RBFOX3: variants seen among roughly 807,000 people sequenced by gnomAD.
The protein encoded by RBFOX3 is RNA binding fox-1 homolog 3.
In RBFOX3, 17 loss-of-function variants were observed where a neutral mutation model predicts 48.7. The ratio of observed to expected loss-of-function variants is 0.35; its 90% confidence interval spans 0.24 to 0.52. The LOEUF is 0.52. Among genes scored for constraint, RBFOX3 ranks in the 20% least tolerant of loss-of-function variants. RBFOX3 has a pLI of 0.94. For missense variants in RBFOX3, 382 were observed against 497.5 expected (o/e 0.77, Z 2.21); for synonymous variants, 212 against 209.5 (o/e 1.01, Z -0.10).
At chr17:79,090,908 G>A in intron 14 of RBFOX3, 23 bp from the exon 15 acceptor site, 1 of 1,526,702 alleles carries the variant, frequency 6.6e-7, no homozygotes, top group South Asian at 1.2e-5. Context: ...CAGAAAGGCA[G>A]GACTTGCAGC....
At chr17:79,207,566 G>A (rs1021003490) in intron 4 of RBFOX3, among the ~76,000 whole-genome samples, 1 of 152,250 alleles carries the variant, frequency 6.6e-6, no homozygotes, top group African/African-American at 2.4e-5. Context: ...CTGGGCCTAT[G>A]GGCTGTGGGG....
intron 9 of RBFOX3, 50 bp downstream of exon 9, chr17:79,101,534 T>C: frequency 6.7e-7 from 1 of 1,494,954 alleles, no homozygotes; most frequent in Non-Finnish European, 9.1e-7. Context: ...CCAGGGCCTC[T>C]GTCCCAGCCA....
chr17:79,628,321 C>T, the RBFOX3 span, among the ~76,000 whole-genome samples: 1 of 152,172 alleles, frequency 6.6e-6, no homozygotes, highest in African/African-American at 2.4e-5. Context: ...GCTCAGACCT[C>T]TGCAAACCTG....
chr17:79,272,930 T>C (rs566309632), intron 3 of RBFOX3, among the ~76,000 whole-genome samples: 2 of 151,414 alleles, frequency 1.3e-5, no homozygotes, highest in Admixed American at 6.6e-5. Flanking sequence ...GCCACCCCAG[T>C]ACCAGGAGCC....
intron 2 of RBFOX3, among the ~76,000 whole-genome samples, chr17:79,463,688 G>GCCACCA (rs879949202): frequency 1.6e-5 from 2 of 123,164 alleles, no homozygotes; most frequent in Admixed American, 8.0e-5. Flanking sequence ...CATTGCCACT[G>GCCACCA]CCACTGCCAT....
intron 1 of RBFOX3, among the ~76,000 whole-genome samples, chr17:79,577,733 C>A (rs2092911840): frequency 1.3e-5 from 2 of 152,210 alleles, no homozygotes; most frequent in Non-Finnish European, 2.9e-5. Context: ...AGGTTGTCAA[C>A]CCACCTCCTC....
Position 79,145,446 on chromosome 17 carries a change from G to A in RBFOX3, c.-33-29698C>T, listed in dbSNP as rs137896869. Among the ~76,000 whole-genome samples the A allele has an allele frequency of 1.8e-3, 275 of 152,360 alleles. 2 individuals carry two copies. Among genetic ancestry groups the A allele is most frequent in the African/African-American group, 6.5e-3 (271 of 41,580 alleles). ...GGCCACTGGCCTGGGGCGAAGTCTG[G>A]CCACAGGGACTTTAAAGGCTCCTGT... is the stretch of plus-strand genomic sequence containing the variant. On this transcript the variant is annotated intron_variant, in intron 4 of 14. Transcript: ENST00000693108.
intron 1 of RBFOX3, among the ~76,000 whole-genome samples, chr17:79,551,828 GA>G (rs2091188378): frequency 6.6e-6 from 1 of 152,150 alleles, no homozygotes; most frequent in African/African-American, 2.4e-5. Flanking sequence ...GCCCTCACTA[GA>G]AACAGATGCC....
chr17:79,649,795 G>A, the RBFOX3 span, among the ~76,000 whole-genome samples: 1 of 152,164 alleles, frequency 6.6e-6, no homozygotes, highest in Non-Finnish European at 1.5e-5. Flanking sequence ...CATGATGCTG[G>A]CATCTGCTTG....
At chr17:79,097,603 G>GC in intron 10 of RBFOX3, 89 bp downstream of exon 10, 1 of 545,952 alleles carries the variant, frequency 1.8e-6, no homozygotes, top group Non-Finnish European at 2.6e-6. Context: ...ACCTGGCCCC[G>GC]CCCCTCATGC....
chr17:79,124,053 G>A (rs2036500307), intron 4 of RBFOX3, among the ~76,000 whole-genome samples: 1 of 152,202 alleles, frequency 6.6e-6, no homozygotes, highest in Non-Finnish European at 1.5e-5. Flanking sequence ...GCAGGGAAGC[G>A]CAAGATGAGT....
chr17:79,458,577 G>A (rs1461535784), intron 2 of RBFOX3, among the ~76,000 whole-genome samples: 1 of 144,426 alleles, frequency 6.9e-6, no homozygotes, highest in Admixed American at 7.2e-5. Flanking sequence ...ACAAAAGCCT[G>A]GGTTGGGGTT....
In RBFOX3 at chr17:79,118,272, C is replaced by T. The variant is rs536595228; in HGVS notation, c.-33-2524G>A. ...CTCTCTGCAGACTCTGAAACTGGGG[C>T]GACATTCAAGCTCCTCAGCCACGGG... is the stretch of plus-strand genomic sequence containing the variant. On this transcript the variant is annotated intron_variant, in intron 4 of 14. Coordinates refer to ENST00000693108, the MANE Select transcript of RBFOX3 (RefSeq NM_001350451.2). 2.0e-5 allele frequency among the ~76,000 whole-genome samples: 3 copies of T among 152,300 alleles called. No homozygotes were observed. The East Asian group carries it at 5.8e-4, about 29-fold the overall frequency.
chr17:79,116,930 A>G (rs2034171375), intron 4 of RBFOX3, among the ~76,000 whole-genome samples: 1 of 152,208 alleles, frequency 6.6e-6, no homozygotes, highest in African/African-American at 2.4e-5. Flanking sequence ...TCCAGGGCGC[A>G]CCCCAGGCCT....
intron 4 of RBFOX3, among the ~76,000 whole-genome samples, chr17:79,146,841 T>A (rs898280629): frequency 6.6e-6 from 1 of 152,124 alleles, no homozygotes; most frequent in African/African-American, 2.4e-5. Flanking sequence ...AACCTCACCA[T>A]GAGGAGGGGG....
chr17:79,133,708 G>A (rs1334161287), intron 4 of RBFOX3, among the ~76,000 whole-genome samples: 2 of 152,228 alleles, frequency 1.3e-5, no homozygotes, highest in Admixed American at 1.3e-4. Context: ...GGTACACACA[G>A]CATTTGGCCT....
At chr17:79,100,354 G>A (rs1462369996) in intron 9 of RBFOX3, 2 of 152,212 alleles carry the variant, frequency 1.3e-5, no homozygotes, top group South Asian at 2.1e-4. Flanking sequence ...ACGCACTCGG[G>A]ATGCTTGCAA....
At chr17:79,259,563 G>C (rs1168218512) in intron 3 of RBFOX3, among the ~76,000 whole-genome samples, 4 of 152,216 alleles carry the variant, frequency 2.6e-5, no homozygotes, top group Non-Finnish European at 5.9e-5. Context: ...GCAGGACTCT[G>C]GGGGCCCAGG....
In RBFOX3 at chr17:79,423,352, G is replaced by A. The variant is rs1489685010; in HGVS notation, c.-175+59102C>T. Among the ~76,000 whole-genome samples the A allele has an allele frequency of 2.0e-5, 3 of 152,122 alleles. No homozygotes were observed. The highest frequency in any genetic ancestry group is 1.5e-5 in the Non-Finnish European group (1 of 68,028). On this transcript the variant is annotated intron_variant, in intron 2 of 14. Transcript: ENST00000693108. The surrounding 1 kb of genome is among the most constrained non-coding windows in gnomAD (Gnocchi z 4.9). ...GGATGATTCTGCTTTCAATGCTTGT[G>A]CAGATCCTGCCGCACAGACCCCAAC...
Sources: allele counts gnomAD v4.1 joint callset (sites outside exome capture counted in the v4.1 genomes callset), GRCh38; gene constraint gnomAD v4.1.1; non-coding constraint Gnocchi (gnomAD v3.1); transcripts MANE v1.5; gene names NCBI Gene and HGNC (gene_info 2026-07-23, HGNC 2026-07-21).